The following MGAT5 variants were observed in gnomAD, a reference collection of about 807,000 sequenced individuals.
MGAT5 encodes alpha-1,6-mannosylglycoprotein 6-beta-N-acetylglucosaminyltransferase.
MGAT5 carries 30 observed loss-of-function variants against 94.3 expected under a neutral mutation model. That is an observed-to-expected ratio of 0.32 (90% CI 0.24 to 0.43). The LOEUF (loss-of-function observed/expected upper bound fraction) is 0.43. Among genes scored for constraint, MGAT5 ranks in the 20% least tolerant of loss-of-function variants. The pLI, the probability that MGAT5 is intolerant of heterozygous loss-of-function variation, is 1.00. For synonymous variants in MGAT5, 310 were observed against 322.9 expected (o/e 0.96, Z 0.43); for missense variants, 691 against 905.5 (o/e 0.76, Z 3.04).
chr2:134,245,069 G>A (rs1682168088), intron 1 of MGAT5, among the ~76,000 whole-genome samples: 1 of 152,220 alleles, frequency 6.6e-6, no homozygotes, highest in African/African-American at 2.4e-5. Flanking sequence ...CTGGAGTGCA[G>A]TGGCGCGATC....
chr2:134,452,609 A>C lies in MGAT5; in HGVS notation c.*3762A>C, dbSNP rs1166548204. ...TAGGGCAGACCACGGTGGCCACCCC[A>C]TTTCTCCAAGGTGGTTTACCTAGCT... On this transcript the variant is annotated 3_prime_UTR_variant, in exon 16 of 16. Coordinates refer to ENST00000281923, the MANE Select transcript of MGAT5 (RefSeq NM_002410.5). The C allele has an allele frequency of 6.6e-6, 1 of 152,106 alleles. No individual in the cohort carries two copies. Among genetic ancestry groups the C allele is most frequent in the Admixed American group, 6.5e-5 (1 of 15,272 alleles). The allele number at this position is 152,106 out of a possible 1,614,324, so 9.4% of individuals were successfully genotyped here.
intron 2 of MGAT5, among the ~76,000 whole-genome samples, chr2:134,277,973 G>A (rs1386230207): frequency 6.6e-6 from 1 of 152,144 alleles, no homozygotes; most frequent in African/African-American, 2.4e-5. Flanking sequence ...CAACCACTTA[G>A]CTTATATTAA....
rs553513810 is a variant in MGAT5, at chr2:134,228,189, CTG to C, written c.-142-26065_-142-26064del. On this transcript the variant is annotated intron_variant, in intron 1 of 16. Transcript: ENST00000409645. ...ATGTGTGTTGGTGATGAGTGTGTGA[CTG>C]TGTGTGTTTAGGAAGGTAGAAAAGA... Among the ~76,000 whole-genome samples, 10 of 152,140 alleles carry C rather than the reference CTG, an allele frequency of 6.6e-5. 1 individual carries two copies. The South Asian group carries it at 2.1e-3, about 32-fold the overall frequency.
intron 2 of MGAT5, among the ~76,000 whole-genome samples, chr2:134,278,097 T>C (rs16830316): frequency 0.027 from 4,147 of 152,276 alleles, 183 homozygotes; most frequent in East Asian, 0.11. Flanking sequence ...CTCTCAGGTA[T>C]TGGATACTGT....
intron 1 of MGAT5, among the ~76,000 whole-genome samples, chr2:134,181,542 G>A (rs753384639): frequency 6.6e-6 from 1 of 152,202 alleles, no homozygotes; most frequent in Non-Finnish European, 1.5e-5. Context: ...ACCTCAGCCA[G>A]TCTGTTTTTT....
intron 2 of MGAT5, among the ~76,000 whole-genome samples, chr2:134,293,995 C>G (rs1685527939): frequency 6.6e-6 from 1 of 152,108 alleles, no homozygotes; most frequent in Non-Finnish European, 1.5e-5. Flanking sequence ...CGTTGGCTTC[C>G]CAGACTCCTC....
intron 8 of MGAT5, among the ~76,000 whole-genome samples, chr2:134,349,324 G>A (rs577068202): frequency 7.9e-4 from 121 of 152,264 alleles, no homozygotes; most frequent in African/African-American, 2.8e-3. Flanking sequence ...TTAATGTAAA[G>A]TCAAATACTC....
At chr2:134,214,216 A>G (rs1347284784) in intron 1 of MGAT5, among the ~76,000 whole-genome samples, 1 of 152,044 alleles carries the variant, frequency 6.6e-6, no homozygotes, top group Non-Finnish European at 1.5e-5. Flanking sequence ...AAGAGCTTCC[A>G]AGACCCTTGA....
chr2:134,404,219 A>G (rs1209535446), intron 11 of MGAT5, among the ~76,000 whole-genome samples: 1 of 152,182 alleles, frequency 6.6e-6, no homozygotes, highest in African/African-American at 2.4e-5. Flanking sequence ...GCTTATTTTC[A>G]GTAGTGGATT....
intron 1 of MGAT5, among the ~76,000 whole-genome samples, chr2:134,177,144 C>CGTGTGTGTGTGTGTGTGTGTGTGTGTGT (rs141358502): frequency 0.034 from 4,784 of 142,478 alleles, 218 homozygotes; most frequent in African/African-American, 0.082. Context: ...CAAATGAACC[C>CGTGTGTGTGTGTGTGTGTGTGTGTGTGT]GTGTGTGTGT....
At chr2:134,229,405 C>T (rs548418303) in intron 1 of MGAT5, among the ~76,000 whole-genome samples, 1 of 152,334 alleles carries the variant, frequency 6.6e-6, no homozygotes, top group East Asian at 1.9e-4. Flanking sequence ...TGCCTACACA[C>T]ATGTGTGTTT....
chr2:134,271,386 T>TCTATTCACCCAAAAAAAGTATA (rs1684018253), intron 2 of MGAT5, among the ~76,000 whole-genome samples: 2 of 152,172 alleles, frequency 1.3e-5, no homozygotes, highest in African/African-American at 4.8e-5. Flanking sequence ...TGAATGGTTG[T>TCTATTCACCCAAAAAAAGTATA]GAACAAGCTG....
intron 2 of MGAT5, among the ~76,000 whole-genome samples, chr2:134,313,015 A>G (rs570725425): frequency 6.7e-6 from 1 of 148,808 alleles, no homozygotes; most frequent in Non-Finnish European, 1.5e-5. Flanking sequence ...CCTTGCTCTG[A>G]GGCCACAGAC....
At chr2:134,193,727 G>A (rs1024730791) in intron 1 of MGAT5, among the ~76,000 whole-genome samples, 7 of 133,110 alleles carry the variant, frequency 5.3e-5, no homozygotes, top group African/African-American at 2.0e-4. Context: ...GTGTGTGTGT[G>A]TTTTGACAAG....
chr2:134,402,095 A>G (rs553983306), intron 10 of MGAT5, among the ~76,000 whole-genome samples: 1 of 152,326 alleles, frequency 6.6e-6, no homozygotes, highest in African/African-American at 2.4e-5. Context: ...ACTTTTATAC[A>G]ACTGGAAAAC....
chr2:134,426,214 C>CTTCCTTCCTTCA lies in MGAT5; in HGVS notation c.1795-2140_1795-2139insATTCCTTCCTTC, dbSNP rs1553465238. Among the ~76,000 whole-genome samples, 1,486 of 151,918 alleles carry CTTCCTTCCTTCA rather than the reference C, an allele frequency of 9.8e-3. 27 individuals carry two copies. The highest frequency in any genetic ancestry group is 0.034 in the African/African-American group (1,389 of 41,388). ...ACCTTCTGACTCACCGACTTCCTTCCTTCCTTCCTTCCTTCATTCCTTCCG... is the reference window on the plus strand; with the variant it reads ...ACCTTCTGACTCACCGACTTCCTTCCTTCCTTCCTTCATTCCTTCCTTCCTTCATTCCTTCCG... On this transcript the variant is annotated intron_variant, in intron 13 of 15. Transcript: ENST00000281923.
At chr2:134,131,405 T>C (rs1271853126) in intron 1 of MGAT5, among the ~76,000 whole-genome samples, 1 of 152,200 alleles carries the variant, frequency 6.6e-6, no homozygotes, top group Non-Finnish European at 1.5e-5. Context: ...TACAAAAGGC[T>C]GAATTCCCGA....
chr2:134,409,623 T>C (rs1683532623), intron 11 of MGAT5, among the ~76,000 whole-genome samples: 1 of 152,154 alleles, frequency 6.6e-6, no homozygotes, highest in African/African-American at 2.4e-5. Flanking sequence ...AAAGTATGTG[T>C]TGTGTGTGTG....
intron 10 of MGAT5, among the ~76,000 whole-genome samples, chr2:134,369,723 T>C (rs1680660147): frequency 1.2e-4 from 5 of 42,546 alleles, no homozygotes. Context: ...TTATGGTTTT[T>C]ACATTGTGTG....
Sources: gnomAD v4.1 joint callset for allele counts (sites outside exome capture counted in the v4.1 genomes callset) on GRCh38, gnomAD v4.1.1 for gene constraint, MANE v1.5 for transcripts, NCBI Gene and HGNC (gene_info 2026-07-23, HGNC 2026-07-21) for gene names.